Variants in MAP3K1 observed in about 807,000 individuals in gnomAD.
The protein encoded by MAP3K1 is MAP/ERK kinase kinase 1.
MAP3K1 carries 36 observed loss-of-function variants against 144.2 expected under a neutral mutation model. The observed-to-expected ratio is 0.25, with a 90% CI of 0.19 to 0.33. The LOEUF (loss-of-function observed/expected upper bound fraction) is 0.33, where lower values mean the gene tolerates loss of function less well. Among genes scored for constraint, MAP3K1 ranks in the 10% least tolerant of loss-of-function variants. The probability of loss-of-function intolerance (pLI) is 1.00; values close to 1 mark genes in which losing one functional copy is unlikely to be tolerated. For missense variants in MAP3K1, 1,650 were observed against 1,881.9 expected (o/e 0.88, Z 2.28); for synonymous variants, 718 against 688.7 (o/e 1.04, Z -0.67).
In MAP3K1 at chr5:56,856,776, T is replaced by C. The variant is rs141945641; in HGVS notation, c.633+26T>C. ...GTAAGTGGCTATGGGTTACCAGTTATAAGGAAGAAAGCATAGGAGGAAATG... is the reference window on the plus strand; with the variant it reads ...GTAAGTGGCTATGGGTTACCAGTTACAAGGAAGAAAGCATAGGAGGAAATG... On this transcript the variant is annotated intron_variant, in intron 2 of 19. Coordinates refer to ENST00000399503, the MANE Select transcript of MAP3K1 (RefSeq NM_005921.2). 6.9e-3 allele frequency: 11,123 copies of C among 1,612,942 alleles called. 67 individuals are homozygous for C. Among genetic ancestry groups the C allele is most frequent in the Middle Eastern group, 0.01 (62 of 6,052 alleles).
intron 1 of MAP3K1, among the ~76,000 whole-genome samples, chr5:56,833,092 G>C (rs962188379): frequency 6.6e-6 from 1 of 152,066 alleles, no homozygotes; most frequent in Non-Finnish European, 1.5e-5. Context: ...GGATGGTCTT[G>C]ATCTCCTGAC....
rs188280785 is a variant in MAP3K1 at position 56,846,143 on chromosome 5, G to A, written c.483-10457G>A. ...ACAATGTTGTTTTTCTGTCACTAAC[G>A]TTTTTATATGTTTTCTAAGATGATG... On this transcript the variant is annotated intron_variant, in intron 1 of 19. Coordinates refer to ENST00000399503, the MANE Select transcript of MAP3K1 (RefSeq NM_005921.2). Among the ~76,000 whole-genome samples the A allele has an allele frequency of 4.6e-5, 7 of 152,204 alleles. No homozygotes were observed. In the East Asian group the frequency reaches 1.4e-3, roughly 29 times the overall value.
intron 1 of MAP3K1, among the ~76,000 whole-genome samples, chr5:56,835,448 GCA>G (rs1746623643): frequency 6.6e-6 from 1 of 150,824 alleles, no homozygotes; most frequent in African/African-American, 2.4e-5. Flanking sequence ...AGACAGGAAG[GCA>G]GGGAAGAGGA....
intron 17 of MAP3K1, 105 bp from the exon 18 acceptor site, chr5:56,887,273 T>G (rs1019579293): frequency 7.3e-6 from 8 of 1,100,310 alleles, no homozygotes; most frequent in Admixed American, 1.9e-5. Flanking sequence ...TGTAGTTCAC[T>G]TCTTTCTTTT....
chr5:56,837,174 A>T (rs1320037896), intron 1 of MAP3K1, among the ~76,000 whole-genome samples: 1 of 151,292 alleles, frequency 6.6e-6, no homozygotes, highest in Non-Finnish European at 1.5e-5. Flanking sequence ...TTGCTTCCCT[A>T]ATAGGATGCA....
At chr5:56,817,234 C>A in intron 1 of MAP3K1, 2 of 368,886 alleles carry the variant, frequency 5.4e-6, no homozygotes, top group Non-Finnish European at 7.5e-6. Flanking sequence ...TTTTTAAAAA[C>A]CTGATTAACG....
chr5:56,868,606 G>A (rs979341322), intron 6 of MAP3K1, among the ~76,000 whole-genome samples: 3 of 152,040 alleles, frequency 2.0e-5, no homozygotes, highest in Non-Finnish European at 4.4e-5. Flanking sequence ...GGATAGTCTC[G>A]ATCTCCTGAC....
intron 17 of MAP3K1, 114 bp from the exon 18 acceptor site, chr5:56,887,264 G>A (rs1402040320): frequency 2.1e-6 from 2 of 960,278 alleles, no homozygotes; most frequent in Admixed American, 1.9e-5. Context: ...CCTCTGACAT[G>A]TAGTTCACTT....
chr5:56,883,647 G>A lies in MAP3K1; in HGVS notation c.3787G>A (p.Val1263Met), dbSNP rs748014412. 6.2e-6 allele frequency: 10 copies of A among 1,614,112 alleles called. No homozygotes were observed. The highest frequency in any genetic ancestry group is 1.1e-5 in the South Asian group (1 of 91,090). Residue 1263 changes from valine to methionine, a missense_variant, in exon 15 of 20, where the codon GTG becomes ATG. Physicochemically the swap from Val to Met is conservative, Grantham distance 21. Transcript: ENST00000399503. ...TTCTTCTTGTTATCAGGCTCAAGAT[G>A]TGGGAACTGGAACTTTAATGGCTGT... is the stretch of plus-strand genomic sequence containing the variant. ...AFSSCYQAQDVGTGTLMAVKQ... is the reference protein window; with the variant it reads ...AFSSCYQAQDMGTGTLMAVKQ...
At chr5:56,890,566 C>T (rs1051260380) in intron 19 of MAP3K1, among the ~76,000 whole-genome samples, 1 of 152,086 alleles carries the variant, frequency 6.6e-6, no homozygotes, top group African/African-American at 2.4e-5. Context: ...CTCAGCTATG[C>T]CCATTGTTAG....
chr5:56,826,517 A>G lies in MAP3K1; in HGVS notation c.482+10462A>G, dbSNP rs16886364. ...GGAAAAAATGTTGCTGCCAACCTAC[A>G]TATTACTGTCCTTGAGAATAATCCG... On this transcript the variant is annotated intron_variant, in intron 1 of 19. Coordinates refer to ENST00000399503, the MANE Select transcript of MAP3K1 (RefSeq NM_005921.2). Among the ~76,000 whole-genome samples the G allele has an allele frequency of 0.059, 9,022 of 152,314 alleles. 283 individuals are homozygous for G. Among genetic ancestry groups the G allele is most frequent in the East Asian group, 0.12 (610 of 5,178 alleles).
intron 9 of MAP3K1, among the ~76,000 whole-genome samples, chr5:56,873,376 T>G (rs995349984): frequency 6.6e-6 from 1 of 152,234 alleles, no homozygotes; most frequent in African/African-American, 2.4e-5. Flanking sequence ...TTGCTGCCAT[T>G]TAAAATTAAT....
At chr5:56,863,483 C>A (rs1247097300) in intron 3 of MAP3K1, among the ~76,000 whole-genome samples, 1 of 152,176 alleles carries the variant, frequency 6.6e-6, no homozygotes, top group Non-Finnish European at 1.5e-5. Flanking sequence ...TGTGTTAGTA[C>A]TCCATTTTTA....
At chr5:56,817,496 A>G (rs755560767) in intron 1 of MAP3K1, among the ~76,000 whole-genome samples, 1 of 152,226 alleles carries the variant, frequency 6.6e-6, no homozygotes, top group Non-Finnish European at 1.5e-5. Flanking sequence ...CCTCTCCCCA[A>G]GAACTAAAAA....
Position 56,895,091 on chromosome 5 carries a change from C to CA in MAP3K1, c.*1414dup, listed in dbSNP as rs1363596225. On this transcript the variant is annotated 3_prime_UTR_variant, in exon 20 of 20. Transcript: ENST00000399503. ...AGTGTGAAATAGAATTGGTTATTCT[C>CA]AAAGACTCAGGATAAACTAAATAAG... 1 of 231,316 alleles carries CA rather than the reference C, an allele frequency of 4.3e-6. No homozygotes were observed. The highest frequency in any genetic ancestry group is 5.6e-5 in the Admixed American group (1 of 17,712). 14.3% of individuals were successfully genotyped at this position (231,316 alleles called of 1,614,324 possible). A position where few individuals can be genotyped will look rare whatever the true frequency, so the allele number is the denominator to read the frequency against.
At chr5:56,843,074 C>T (rs1023939200) in intron 1 of MAP3K1, among the ~76,000 whole-genome samples, 7 of 152,252 alleles carry the variant, frequency 4.6e-5, no homozygotes, top group South Asian at 4.1e-4. Context: ...AGATGCAACA[C>T]GTTTCCTCAT....
At chr5:56,816,737 C>T (rs981093715) in intron 1 of MAP3K1, among the ~76,000 whole-genome samples, 3 of 152,220 alleles carry the variant, frequency 2.0e-5, no homozygotes, top group Non-Finnish European at 4.4e-5. Context: ...AGGCTGCACA[C>T]TCGCGGAGGC....
At chr5:56,835,394 AGACAAGGAGGCAGGGAAGAGTT>A (rs1252703300) in intron 1 of MAP3K1, among the ~76,000 whole-genome samples, 4 of 122,712 alleles carry the variant, frequency 3.3e-5, no homozygotes, top group African/African-American at 7.9e-5. Context: ...AGGGAAGAGG[AGACAAGGAGGCAGGGAAGAGTT>A]GACAGGAAGG....
chr5:56,821,978 G>A (rs1358501136), intron 1 of MAP3K1, among the ~76,000 whole-genome samples: 5 of 152,114 alleles, frequency 3.3e-5, no homozygotes, highest in Non-Finnish European at 1.5e-5. Flanking sequence ...AGTTTTGAAG[G>A]CAAGAACTGT....
Sources: allele counts gnomAD v4.1 joint callset (sites outside exome capture counted in the v4.1 genomes callset), GRCh38; gene constraint gnomAD v4.1.1; transcripts MANE v1.5; gene names NCBI Gene and HGNC (gene_info 2026-07-23, HGNC 2026-07-21).